PEX7: variants seen among roughly 807,000 people sequenced by gnomAD.
The protein encoded by PEX7 is PTS2 receptor.
In PEX7, 34 loss-of-function variants were observed where a neutral mutation model predicts 47.5. That is an observed-to-expected ratio of 0.72 (90% confidence interval 0.54 to 0.95). The LOEUF is 0.95. Among genes scored for constraint, PEX7 ranks in the 40% least tolerant of loss-of-function variants. The probability of loss-of-function intolerance (pLI) is 0.00; values close to 1 mark genes in which losing one functional copy is unlikely to be tolerated. For missense variants in PEX7, 394 were observed against 400.3 expected (o/e 0.98, Z 0.13); for synonymous variants, 141 against 148.8 (o/e 0.95, Z 0.38).
chr6:136,866,955 G>T (rs1775083087), intron 6 of PEX7, among the ~76,000 whole-genome samples: 1 of 152,120 alleles, frequency 6.6e-6, no homozygotes, highest in African/African-American at 2.4e-5. Flanking sequence ...AATTCTCAAA[G>T]TTCAACAGTG....
intron 1 of PEX7, among the ~76,000 whole-genome samples, chr6:136,823,649 G>T (rs976795444): frequency 6.6e-6 from 1 of 152,172 alleles, no homozygotes; most frequent in Non-Finnish European, 1.5e-5. Flanking sequence ...CCAGCACTTT[G>T]GGAGGCCGAG....
intron 3 of PEX7, among the ~76,000 whole-genome samples, chr6:136,841,084 C>G (rs560747442): frequency 1.3e-5 from 2 of 152,282 alleles, no homozygotes; most frequent in South Asian, 4.1e-4. Flanking sequence ...TTGTAACCTC[C>G]TTTCCCCCCG....
At chr6:136,897,475 A>G (rs1775671950) in intron 8 of PEX7, among the ~76,000 whole-genome samples, 1 of 152,222 alleles carries the variant, frequency 6.6e-6, no homozygotes, top group African/African-American at 2.4e-5. Context: ...TACCACTTTC[A>G]GTCTATGGAG....
At chr6:136,874,262 T>G (rs557663020) in intron 8 of PEX7, among the ~76,000 whole-genome samples, 23 of 152,346 alleles carry the variant, frequency 1.5e-4, no homozygotes, top group African/African-American at 5.3e-4. Flanking sequence ...GTGGAGTACT[T>G]TCTTGATAAC....
At chr6:136,828,470 T>C (rs1774236895) in intron 3 of PEX7, among the ~76,000 whole-genome samples, 1 of 152,210 alleles carries the variant, frequency 6.6e-6, no homozygotes, top group Non-Finnish European at 1.5e-5. Context: ...CTACCTTCTA[T>C]AGCAACCAAC....
intron 5 of PEX7, among the ~76,000 whole-genome samples, chr6:136,857,194 T>C (rs1774876208): frequency 6.6e-6 from 1 of 152,270 alleles, no homozygotes. Context: ...CATGCGTTTG[T>C]AAGCAAATGC....
intron 5 of PEX7, among the ~76,000 whole-genome samples, chr6:136,853,555 C>T (rs1233049402): frequency 6.6e-6 from 1 of 152,026 alleles, no homozygotes; most frequent in East Asian, 1.9e-4. Flanking sequence ...ACACTTTTTT[C>T]CCATTTTATT....
intron 9 of PEX7, among the ~76,000 whole-genome samples, chr6:136,904,113 G>A (rs915307069): frequency 2.6e-5 from 4 of 152,166 alleles, no homozygotes; most frequent in Non-Finnish European, 5.9e-5. Flanking sequence ...TTAGAAGATG[G>A]CAAGCATTAT....
In PEX7 at chr6:136,827,889, G is replaced by A. The variant is rs575381111; in HGVS notation, c.339+1420G>A. On this transcript the variant is annotated intron_variant, in intron 3 of 9. Transcript: ENST00000318471. ...TTTTTTTTTGTAGAGATGGAGTTTCGCTATGTTGCCCAGGCTAGTTTTTGT... is the reference window on the plus strand; with the variant it reads ...TTTTTTTTTGTAGAGATGGAGTTTCACTATGTTGCCCAGGCTAGTTTTTGT... Among the ~76,000 whole-genome samples, 14 of 151,496 alleles carry A rather than the reference G, an allele frequency of 9.2e-5. No individual in the cohort carries two copies. The South Asian group carries it at 2.7e-3, about 29-fold the overall frequency.
At chr6:136,855,070 A>C (rs1774834482) in intron 5 of PEX7, among the ~76,000 whole-genome samples, 1 of 151,904 alleles carries the variant, frequency 6.6e-6, no homozygotes, top group African/African-American at 2.4e-5. Flanking sequence ...CCTGGGCAAC[A>C]GAGCAAGACT....
In PEX7 at chr6:136,826,443, C is replaced by A. The variant is rs372623057; in HGVS notation, c.313C>A (p.Gln105Lys). 1.2e-4 allele frequency: 197 copies of A among 1,613,832 alleles called. No homozygotes were observed. The highest frequency in any genetic ancestry group is 1.6e-4 in the Non-Finnish European group (188 of 1,180,024). ...CACTGCCAAAGCTGCAGGGCCACTGCAAGTCTATAAAGAACACGCTCAGGA... is the reference window on the plus strand; with the variant it reads ...CACTGCCAAAGCTGCAGGGCCACTGAAAGTCTATAAAGAACACGCTCAGGA... ...WDTAKAAGPL[Q>K]VYKEHAQEVY... The change falls in exon 3 of 10, where the codon CAA becomes AAA. Residue 105 changes from glutamine to lysine, a missense_variant. Coordinates refer to ENST00000318471, the MANE Select transcript of PEX7 (RefSeq NM_000288.4).
At chr6:136,880,649 T>C (rs1018342376) in intron 8 of PEX7, among the ~76,000 whole-genome samples, 1 of 152,230 alleles carries the variant, frequency 6.6e-6, no homozygotes, top group African/African-American at 2.4e-5. Flanking sequence ...TGTTCTGTAT[T>C]GGTTTTTGTA....
chr6:136,867,640 T>C (rs1775097376), intron 6 of PEX7, among the ~76,000 whole-genome samples: 1 of 152,036 alleles, frequency 6.6e-6, no homozygotes, highest in Non-Finnish European at 1.5e-5. Flanking sequence ...AAGCCAGGCA[T>C]GGTGGCAGGC....
chr6:136,880,297 A>G (rs1226098482), intron 8 of PEX7, among the ~76,000 whole-genome samples: 1 of 151,452 alleles, frequency 6.6e-6, no homozygotes, highest in Non-Finnish European at 1.5e-5. Context: ...ATTTTCTTTC[A>G]CCCCTAAACT....
chr6:136,863,585 T>G (rs745523747), intron 5 of PEX7, among the ~76,000 whole-genome samples: 1 of 152,040 alleles, frequency 6.6e-6, no homozygotes, highest in Non-Finnish European at 1.5e-5. Context: ...ATTGAAAATA[T>G]AATAGAAATT....
At chr6:136,859,934 G>T (rs1774927379) in intron 5 of PEX7, among the ~76,000 whole-genome samples, 1 of 151,640 alleles carries the variant, frequency 6.6e-6, no homozygotes, top group Admixed American at 6.6e-5. Flanking sequence ...TGAGGCAGGA[G>T]AATCGCTTGA....
chr6:136,858,935 C>T (rs1774909880), intron 5 of PEX7, among the ~76,000 whole-genome samples: 2 of 152,092 alleles, frequency 1.3e-5, no homozygotes, highest in Admixed American at 6.6e-5. Flanking sequence ...ATCCCAACTG[C>T]AAAGTTTGTA....
At chr6:136,905,344 C>T (rs1416450916) in intron 9 of PEX7, among the ~76,000 whole-genome samples, 8 of 152,198 alleles carry the variant, frequency 5.3e-5, no homozygotes, top group African/African-American at 1.9e-4. Context: ...GGGCTTACCC[C>T]ACTGTCCTGT....
intron 3 of PEX7, among the ~76,000 whole-genome samples, chr6:136,829,497 C>T (rs1429724061): frequency 6.6e-6 from 1 of 152,146 alleles, no homozygotes; most frequent in African/African-American, 2.4e-5. Context: ...CGTCCTAAAA[C>T]CATTACACTG....
Sources: gnomAD v4.1 joint callset for allele counts (sites outside exome capture counted in the v4.1 genomes callset) on GRCh38, gnomAD v4.1.1 for gene constraint, MANE v1.5 for transcripts, NCBI Gene and HGNC (gene_info 2026-07-23, HGNC 2026-07-21) for gene names.